GPR55: variants seen among roughly 807,000 people sequenced by gnomAD.
The protein encoded by GPR55 is G protein-coupled receptor 55.
Under a neutral mutation model 7.9 loss-of-function variants are expected in GPR55, and 6 were observed. The observed-to-expected ratio is 0.76, with a 90% CI of 0.41 to 1.49. The LOEUF is 1.49. GPR55 is among the 40% of genes most tolerant of loss of function. The pLI is 0.01. For missense variants in GPR55, 376 were observed against 406.0 expected (o/e 0.93, Z 0.63); for synonymous variants, 183 against 166.8 (o/e 1.10, Z -0.75).
intron 1 of GPR55, among the ~76,000 whole-genome samples, chr2:230,939,443 C>T (rs1273907124): frequency 1.3e-5 from 2 of 152,180 alleles, no homozygotes; most frequent in Non-Finnish European, 2.9e-5. Context: ...GAAGGGGTGA[C>T]AGTGGTCTGG....
intron 1 of GPR55, among the ~76,000 whole-genome samples, chr2:230,939,190 G>T (rs1691180975): frequency 6.6e-6 from 1 of 152,020 alleles, no homozygotes; most frequent in Non-Finnish European, 1.5e-5. Context: ...AGGCAGAAGG[G>T]CTGTGGAGTT....
At chr2:230,947,854 C>T (rs892926046) in intron 1 of GPR55, among the ~76,000 whole-genome samples, 2 of 152,082 alleles carry the variant, frequency 1.3e-5, no homozygotes, top group Non-Finnish European at 2.9e-5. Flanking sequence ...CTGGTGCCCC[C>T]CCTCCAACTC....
intron 1 of GPR55, among the ~76,000 whole-genome samples, chr2:230,940,230 G>A (rs1377152804): frequency 6.6e-6 from 1 of 152,100 alleles, no homozygotes; most frequent in Non-Finnish European, 1.5e-5. Context: ...CCGCTCATGG[G>A]GTCTCAGTGG....
upstream of GPR55, among the ~76,000 whole-genome samples, chr2:230,929,172 T>C (rs1175934461): frequency 2.0e-5 from 3 of 152,062 alleles, no homozygotes; most frequent in Non-Finnish European, 4.4e-5. Flanking sequence ...CACTTAAACA[T>C]TGAGCCCGGA....
In GPR55 at chr2:230,944,939, G is replaced by A. The variant is rs1559178791; in HGVS notation, c.-135+15836C>T. Among the ~76,000 whole-genome samples, 1 of 152,180 alleles carries A rather than the reference G, an allele frequency of 6.6e-6. No homozygotes were observed. The highest frequency in any genetic ancestry group is 1.9e-4 in the East Asian group (1 of 5,196). On this transcript the variant is annotated intron_variant, in intron 1 of 1. Coordinates refer to the GPR55 transcript ENST00000392039. The surrounding 1 kb of genome is among the most constrained non-coding windows in gnomAD (Gnocchi z 4.2). Reference sequence around the variant, plus strand: ...GACAACGAACGTAGATGCTGTCCCAGCCACCCACACTCGCTGCCGGGGGAA... The same window carrying A: ...GACAACGAACGTAGATGCTGTCCCAACCACCCACACTCGCTGCCGGGGGAA...
At chr2:230,954,119 AG>A (rs1691444383) in intron 1 of GPR55, among the ~76,000 whole-genome samples, 1 of 152,246 alleles carries the variant, frequency 6.6e-6, no homozygotes, top group African/African-American at 2.4e-5. Flanking sequence ...GCAAGTTCCG[AG>A]ATGCAAAGGT....
At position 230,933,334 on chromosome 2, in the gene GPR55, G is replaced by A. The variant is rs944398395; in HGVS notation, c.-134-22238C>T. On this transcript the variant is annotated intron_variant, in intron 1 of 1. Coordinates refer to the GPR55 transcript ENST00000392039. ...CCCATCTCCCTCCCATCCGTCCACCGCATCCTCCACCTGCCCTCCGTTGGC... is the reference window on the plus strand; with the variant it reads ...CCCATCTCCCTCCCATCCGTCCACCACATCCTCCACCTGCCCTCCGTTGGC... Among the ~76,000 whole-genome samples, 5 of 152,150 alleles carry A rather than the reference G, an allele frequency of 3.3e-5. No individual in the cohort carries two copies. The South Asian group carries it at 8.3e-4, about 25-fold the overall frequency.
At chr2:230,926,093 C>T (rs545574656), upstream of GPR55, among the ~76,000 whole-genome samples, 1 of 152,338 alleles carries the variant, frequency 6.6e-6, no homozygotes, top group African/African-American at 2.4e-5. Flanking sequence ...TTTTTAAAAG[C>T]TATGCGTGCT....
Position 230,922,794 on chromosome 2 carries a change from C to T in GPR55, c.-135+2374G>A, listed in dbSNP as rs547379478. On this transcript the variant is annotated intron_variant, in intron 1 of 1. Coordinates refer to ENST00000650999, the MANE Select transcript of GPR55 (RefSeq NM_005683.4). Reference sequence around the variant, plus strand: ...TTCTCTATGTTGGTCAGGCTGGTCTCGAACTCCCGACCTCAGGTGATCCAC... The same window carrying T: ...TTCTCTATGTTGGTCAGGCTGGTCTTGAACTCCCGACCTCAGGTGATCCAC... 5.9e-5 allele frequency among the ~76,000 whole-genome samples: 9 copies of T among 152,224 alleles called. No individual in the cohort carries two copies. The South Asian group carries it at 1.5e-3, about 25-fold the overall frequency.
In GPR55 at chr2:230,944,599, C is replaced by G. The variant is rs923850913; in HGVS notation, c.-135+16176G>C. 6.6e-6 allele frequency among the ~76,000 whole-genome samples: 1 copy of G among 152,144 alleles called. No individual in the cohort carries two copies. The highest frequency in any genetic ancestry group is 2.4e-5 in the African/African-American group (1 of 41,416). On this transcript the variant is annotated intron_variant, in intron 1 of 1. Coordinates refer to the GPR55 transcript ENST00000392039. This position sits in a 1 kb window ranked among gnomAD's most constrained non-coding sequence, Gnocchi z 4.2. ...CCGGAGAATGACTCAACAGTGACGT[C>G]CTACAGCATGATTTGCTTTAACTGA...
At chr2:230,947,335 A>G (rs1574634863) in intron 1 of GPR55, among the ~76,000 whole-genome samples, 1 of 152,296 alleles carries the variant, frequency 6.6e-6, no homozygotes, top group Middle Eastern at 3.4e-3. Flanking sequence ...ACTGGGCTCC[A>G]ATGCAAAGGG....
chr2:230,946,893 A>C (rs1233960818), intron 1 of GPR55, among the ~76,000 whole-genome samples: 3 of 152,218 alleles, frequency 2.0e-5, no homozygotes, highest in Non-Finnish European at 4.4e-5. Flanking sequence ...GACTCCACTG[A>C]GGTTCTTTGA....
intron 1 of GPR55, among the ~76,000 whole-genome samples, chr2:230,915,074 C>T (rs755943556): frequency 7.9e-5 from 12 of 152,234 alleles, no homozygotes; most frequent in Admixed American, 1.3e-4. Flanking sequence ...GCCCCACATC[C>T]GCAGAAATCG....
chr2:230,929,724 GA>G (rs2125061003), upstream of GPR55: 1 of 152,312 alleles, frequency 6.6e-6, no homozygotes, highest in South Asian at 2.1e-4. Flanking sequence ...TCTTATCACC[GA>G]AAGCCCACGG....
intron 1 of GPR55, among the ~76,000 whole-genome samples, chr2:230,946,891 T>C (rs925891649): frequency 2.0e-5 from 3 of 152,220 alleles, no homozygotes; most frequent in African/African-American, 7.2e-5. Flanking sequence ...AGGACTCCAC[T>C]GAGGTTCTTT....
At chr2:230,918,531 TA>T (rs1487006976) in intron 1 of GPR55, among the ~76,000 whole-genome samples, 63 of 152,310 alleles carry the variant, frequency 4.1e-4, no homozygotes, top group African/African-American at 1.4e-3. Flanking sequence ...CCCCGTGCCC[TA>T]TAAAGTATTT....
chr2:230,958,965 A>G (rs1691530686), intron 1 of GPR55, among the ~76,000 whole-genome samples: 1 of 152,220 alleles, frequency 6.6e-6, no homozygotes, highest in South Asian at 2.1e-4. Flanking sequence ...CATAAATCAC[A>G]TTTCAAGCAG....
chr2:230,959,405 C>T (rs141677200), intron 1 of GPR55, among the ~76,000 whole-genome samples: 1 of 151,624 alleles, frequency 6.6e-6, no homozygotes, highest in African/African-American at 2.4e-5. Flanking sequence ...GCTGTGATTG[C>T]GCCACTGCAC....
chr2:230,934,077 C>A (rs1691095720), intron 1 of GPR55, among the ~76,000 whole-genome samples: 1 of 152,132 alleles, frequency 6.6e-6, no homozygotes, highest in Non-Finnish European at 1.5e-5. Flanking sequence ...ACCTTTTCAA[C>A]CCTCCTTTCC....
Sources: gnomAD v4.1 joint callset for allele counts (sites outside exome capture counted in the v4.1 genomes callset) on GRCh38, gnomAD v4.1.1 for gene constraint, Gnocchi (gnomAD v3.1) non-coding constraint, MANE v1.5 for transcripts, NCBI Gene and HGNC (gene_info 2026-07-23, HGNC 2026-07-21) for gene names.